Variants in NDUFV3 observed in about 807,000 individuals in gnomAD.
NDUFV3 encodes the protein NADH dehydrogenase [ubiquinone] flavoprotein 3, mitochondrial.
A neutral mutation model predicts 37.5 loss-of-function variants in NDUFV3; 44 were observed. That is an observed-to-expected ratio of 1.17 (90% CI 0.92 to 1.51). The LOEUF (loss-of-function observed/expected upper bound fraction) is 1.51. Among genes scored for constraint, NDUFV3 ranks in the 40% most tolerant of loss-of-function variants. The pLI is 0.00. For synonymous variants in NDUFV3, 235 were observed against 239.3 expected (o/e 0.98, Z 0.17); for missense variants, 580 against 580.4 (o/e 1.00, Z 0.01).
intron 3 of NDUFV3, among the ~76,000 whole-genome samples, chr21:42,908,432 T>A (rs1398684354): frequency 1.3e-5 from 2 of 152,260 alleles, no homozygotes; most frequent in Non-Finnish European, 2.9e-5. Flanking sequence ...TTTTCTTTTT[T>A]AATTAGACAA....
At chr21:42,906,599 C>T (rs896511797) in intron 3 of NDUFV3, among the ~76,000 whole-genome samples, 19 of 152,226 alleles carry the variant, frequency 1.2e-4, no homozygotes, top group Non-Finnish European at 2.4e-4. Flanking sequence ...GACTGCAAAC[C>T]TTTCTGAAGA....
At position 42,909,048 on chromosome 21, in the gene NDUFV3, C is replaced by A. The variant is rs2058756103; in HGVS notation, c.*27C>A. 17 of 1,609,242 alleles carry A rather than the reference C, an allele frequency of 1.1e-5. No homozygotes were observed. The highest frequency in any genetic ancestry group is 1.4e-5 in the Non-Finnish European group (16 of 1,177,232). ...GGCCCTCGGTGTGAAGATGAACCTTCCACCGTCTTCACTGCATCCTGGAGT... is the reference window on the plus strand; with the variant it reads ...GGCCCTCGGTGTGAAGATGAACCTTACACCGTCTTCACTGCATCCTGGAGT... On this transcript the variant is annotated 3_prime_UTR_variant, in exon 4 of 4. Transcript: ENST00000354250.
At position 42,911,893 on chromosome 21, in the gene NDUFV3, A is replaced by G. The variant is rs1372860312; in HGVS notation, c.*2872A>G. ...AAATTCCCTTAATATTAAAATGAACATGAATATATTTTGATTTGCATATAT... is the reference window on the plus strand; with the variant it reads ...AAATTCCCTTAATATTAAAATGAACGTGAATATATTTTGATTTGCATATAT... On this transcript the variant is annotated 3_prime_UTR_variant, in exon 4 of 4. Transcript: ENST00000354250. The G allele has an allele frequency of 1.3e-5, 2 of 152,202 alleles. No homozygotes were observed. Among genetic ancestry groups the G allele is most frequent in the Admixed American group, 6.5e-5 (1 of 15,272 alleles). 9.4% of individuals were successfully genotyped at this position (152,202 alleles called of 1,614,324 possible). A position where few individuals can be genotyped will look rare whatever the true frequency, so the allele number is the denominator to read the frequency against.
intron 3 of NDUFV3, 23 bp downstream of exon 3, chr21:42,904,299 AAGTGCACCCTGTCCCTT>A (rs747810068): frequency 6.4e-6 from 10 of 1,570,084 alleles, no homozygotes; most frequent in Non-Finnish European, 8.6e-6. Flanking sequence ...TCGCGCTCCC[AAGTGCACCCTGTCCCTT>A]AGGGTAGTGA....
At chr21:42,893,523 G>C in intron 1 of NDUFV3, 142 bp downstream of exon 1, 1 of 944,706 alleles carries the variant, frequency 1.1e-6, no homozygotes, top group Non-Finnish European at 1.6e-6. Context: ...CGCTCCCTGG[G>C]CCCAGGACTG....
chr21:42,907,774 A>G (rs2058748402), intron 3 of NDUFV3, among the ~76,000 whole-genome samples: 3 of 151,448 alleles, frequency 2.0e-5, no homozygotes, highest in Admixed American at 2.0e-4. Context: ...TATTCTTTGT[A>G]GAGACAGAGT....
chr21:42,894,145 G>C (rs944045172), intron 1 of NDUFV3, among the ~76,000 whole-genome samples: 4 of 148,874 alleles, frequency 2.7e-5, no homozygotes, highest in Middle Eastern at 3.5e-3. Context: ...AACCCGGGAC[G>C]CGGAGGTTGC....
At chr21:42,895,243 G>A (rs1273863518) in intron 1 of NDUFV3, among the ~76,000 whole-genome samples, 1 of 152,142 alleles carries the variant, frequency 6.6e-6, no homozygotes, top group South Asian at 2.1e-4. Context: ...AGTACTTTGA[G>A]AAGCCAAGGT....
In NDUFV3 at chr21:42,893,319, C is replaced by T. The variant is rs1408495461; in HGVS notation, c.-15C>T. The T allele has an allele frequency of 1.3e-5, 20 of 1,537,524 alleles. No homozygotes were observed. Among genetic ancestry groups the T allele is most frequent in the Non-Finnish European group, 1.7e-5 (20 of 1,146,328 alleles). ...AGCTGCTGTGGCCCTGCTTGGTGCGCCCGCTGTCACCGCCATGGCTGCCCC... is the reference window on the plus strand; with the variant it reads ...AGCTGCTGTGGCCCTGCTTGGTGCGTCCGCTGTCACCGCCATGGCTGCCCC... On this transcript the variant is annotated 5_prime_UTR_variant, in exon 1 of 4. Transcript: ENST00000354250.
chr21:42,897,111 T>C (rs2058695813), intron 2 of NDUFV3, 64 bp downstream of exon 2: 1 of 1,581,702 alleles, frequency 6.3e-7, no homozygotes, highest in Non-Finnish European at 8.6e-7. Context: ...TAGTCAGCCT[T>C]CGAAGCACGA....
chr21:42,901,769 G>A (rs992809943), intron 2 of NDUFV3, among the ~76,000 whole-genome samples: 5 of 152,210 alleles, frequency 3.3e-5, no homozygotes, highest in African/African-American at 1.2e-4. Context: ...GAGGTCTGGA[G>A]GGACTGACCT....
chr21:42,906,894 G>A (rs780035084), intron 3 of NDUFV3: 1 of 518,860 alleles, frequency 1.9e-6, no homozygotes, highest in African/African-American at 1.9e-5. Context: ...AAGGATGCCA[G>A]CTCTTTAAAT....
chr21:42,897,087 A>G (rs1269902644), intron 2 of NDUFV3, 40 bp downstream of exon 2: 1 of 1,609,878 alleles, frequency 6.2e-7, no homozygotes, highest in African/African-American at 1.3e-5. Flanking sequence ...AGAGAATGCA[A>G]AAAGAAAATA....
chr21:42,895,019 G>C (rs370449953), intron 1 of NDUFV3, among the ~76,000 whole-genome samples: 1 of 152,108 alleles, frequency 6.6e-6, no homozygotes, highest in Non-Finnish European at 1.5e-5. Flanking sequence ...TGGCCAGATA[G>C]TATTTCTTCT....
In NDUFV3 at chr21:42,908,921, A is replaced by T. The variant is rs777689364; in HGVS notation, c.1322A>T (p.His441Leu). 1 of 1,614,144 alleles carries T rather than the reference A, an allele frequency of 6.2e-7. No individual in the cohort carries two copies. Among genetic ancestry groups the T allele is most frequent in the Non-Finnish European group, 8.5e-7 (1 of 1,180,012 alleles). The change falls in exon 4 of 4, where the codon CAT becomes CTT. Residue 441 changes from histidine (H) to leucine (L), a missense_variant. By Grantham distance (99) the His-to-Leu change is moderately conservative (BLOSUM62 -3). Transcript: ENST00000354250. Reference protein sequence around the residue: ...FDNTTYKNLQHHDYSTYTFLD... With the variant: ...FDNTTYKNLQLHDYSTYTFLD... ...AACACTACCTACAAGAACCTGCAGC[A>T]TCATGACTACAGCACGTACACCTTC...
At chr21:42,893,880 AAGG>A (rs1472551202) in intron 1 of NDUFV3, among the ~76,000 whole-genome samples, 1 of 152,204 alleles carries the variant, frequency 6.6e-6, no homozygotes, top group Non-Finnish European at 1.5e-5. Context: ...GACCTGTGAA[AAGG>A]AGAAGAAGGG....
At chr21:42,906,699 G>A (rs1029841069) in intron 3 of NDUFV3, 9 of 327,694 alleles carry the variant, frequency 2.7e-5, no homozygotes, top group African/African-American at 4.3e-5. Flanking sequence ...TGTCTGTATG[G>A]GGCCGCGGTC....
intron 1 of NDUFV3, among the ~76,000 whole-genome samples, chr21:42,895,847 A>G (rs2058688074): frequency 6.6e-6 from 1 of 152,138 alleles, no homozygotes; most frequent in African/African-American, 2.4e-5. Context: ...TGTCCATAAT[A>G]TACATACATT....
intron 3 of NDUFV3, among the ~76,000 whole-genome samples, chr21:42,906,205 T>G (rs1317023280): frequency 6.6e-6 from 1 of 152,150 alleles, no homozygotes; most frequent in African/African-American, 2.4e-5. Context: ...TAAGATGCAA[T>G]GCGCTTTAGG....
Sources: gnomAD v4.1 joint callset for allele counts (sites outside exome capture counted in the v4.1 genomes callset) on GRCh38, gnomAD v4.1.1 for gene constraint, MANE v1.5 for transcripts, NCBI Gene and HGNC (gene_info 2026-07-23, HGNC 2026-07-21) for gene names.